Variants in TAFA5 observed in about 807,000 individuals in gnomAD.
TAFA5 encodes the protein TAFA chemokine like family member 5, also known as chemokine-like protein TAFA-5.
TAFA5 carries 6 observed loss-of-function variants against 15.3 expected under a neutral mutation model. The observed-to-expected ratio is 0.39, with a 90% CI of 0.21 to 0.77. The LOEUF (loss-of-function observed/expected upper bound fraction) is 0.77, where lower values mean the gene tolerates loss of function less well. Among genes scored for constraint, TAFA5 ranks in the 30% least tolerant of loss-of-function variants. The pLI, the probability that TAFA5 is intolerant of heterozygous loss-of-function variation, is 0.41. For missense variants in TAFA5, 161 were observed against 193.1 expected, an observed-to-expected ratio of 0.83 and a Z score of 0.98; for synonymous variants, 103 against 80.7, an observed-to-expected ratio of 1.28 and a Z score of -1.48.
intron 3 of TAFA5, among the ~76,000 whole-genome samples, chr22:48,721,418 G>T (rs1034938403): frequency 1.6e-4 from 24 of 152,152 alleles, no homozygotes; most frequent in Admixed American, 2.6e-4. Context: ...GTGATCTCAG[G>T]TCCTCACCAG....
chr22:48,681,406 G>C lies in TAFA5; in HGVS notation c.263-26311G>C, dbSNP rs140830901. 2.9e-3 allele frequency among the ~76,000 whole-genome samples: 439 copies of C among 151,934 alleles called. 14 individuals are homozygous for C. The East Asian group carries it at 0.064, about 22-fold the overall frequency. On this transcript the variant is annotated intron_variant, in intron 2 of 3. Transcript: ENST00000402357. ...ACCTGTAATCCTAGCACTTTGGGAGGCTGAGGCGGGTGGATTGCCTGAGCT... is the reference window on the plus strand; with the variant it reads ...ACCTGTAATCCTAGCACTTTGGGAGCCTGAGGCGGGTGGATTGCCTGAGCT...
chr22:48,522,577 C>A (rs1275110459), intron 1 of TAFA5, among the ~76,000 whole-genome samples: 1 of 152,118 alleles, frequency 6.6e-6, no homozygotes, highest in Non-Finnish European at 1.5e-5. Flanking sequence ...AGGTTAGGCC[C>A]CCAACCTCGA....
rs922253920 is a variant in TAFA5, at chr22:48,617,054, G to T, written c.113-29543G>T. ...TCGGGGGATGCCCTGTGCAGACCCA[G>T]CGTGTGGTTGGCTGAACAATGCACT... On this transcript the variant is annotated intron_variant, in intron 1 of 3. Transcript: ENST00000402357. 6.6e-5 allele frequency among the ~76,000 whole-genome samples: 10 copies of T among 152,334 alleles called. No homozygotes were observed. In the South Asian group the frequency reaches 1.7e-3, roughly 25 times the overall value.
intron 1 of TAFA5, among the ~76,000 whole-genome samples, chr22:48,644,957 G>A (rs1001032789): frequency 1.3e-5 from 2 of 152,238 alleles, no homozygotes; most frequent in Non-Finnish European, 2.9e-5. Context: ...CCCTGAGTCC[G>A]TGCATCTCTG....
chr22:48,594,127 G>T (rs1924674417), intron 1 of TAFA5, among the ~76,000 whole-genome samples: 1 of 152,188 alleles, frequency 6.6e-6, no homozygotes, highest in Non-Finnish European at 1.5e-5. Flanking sequence ...GTGGCCCTGT[G>T]TTTGCACTCT....
At chr22:48,728,855 C>CTTCTTTACA (rs1929781333) in intron 3 of TAFA5, among the ~76,000 whole-genome samples, 1 of 152,128 alleles carries the variant, frequency 6.6e-6, no homozygotes, top group South Asian at 2.1e-4. Flanking sequence ...TGTGGTTTTA[C>CTTCTTTACA]TTCTTTACAT....
chr22:48,526,310 C>T (rs5768701), intron 1 of TAFA5, among the ~76,000 whole-genome samples: 61,153 of 152,120 alleles, frequency 0.4, 12,395 homozygotes, highest in Middle Eastern at 0.48. Flanking sequence ...GGCCAGGAGC[C>T]GAGGGAGCTT....
chr22:48,597,330 A>T (rs1302148725), intron 1 of TAFA5, among the ~76,000 whole-genome samples: 1 of 147,832 alleles, frequency 6.8e-6, no homozygotes. Context: ...TCATATGCAG[A>T]GTGTCCTGGG....
At chr22:48,584,396 C>G (rs987778578) in intron 1 of TAFA5, among the ~76,000 whole-genome samples, 1 of 150,222 alleles carries the variant, frequency 6.7e-6, no homozygotes, top group Non-Finnish European at 1.5e-5. Flanking sequence ...CAGTACACAC[C>G]ACACACATAG....
chr22:48,684,377 G>T (rs1239130538), intron 2 of TAFA5, among the ~76,000 whole-genome samples: 1 of 152,068 alleles, frequency 6.6e-6, no homozygotes, highest in Non-Finnish European at 1.5e-5. Context: ...AGCGTGATTG[G>T]CCTTCCCAGG....
intron 1 of TAFA5, among the ~76,000 whole-genome samples, chr22:48,525,615 G>T (rs2147109656): frequency 6.6e-6 from 1 of 152,302 alleles, no homozygotes; most frequent in East Asian, 1.9e-4. Context: ...AATTCCCTGG[G>T]GGCTTGTGGA....
At chr22:48,651,839 G>A (rs1239605194) in intron 2 of TAFA5, among the ~76,000 whole-genome samples, 1 of 152,170 alleles carries the variant, frequency 6.6e-6, no homozygotes, top group Non-Finnish European at 1.5e-5. Context: ...GGTGGAGGGT[G>A]CCCTGGCCAC....
intron 3 of TAFA5, among the ~76,000 whole-genome samples, chr22:48,722,199 C>T (rs1287571183): frequency 6.6e-6 from 1 of 152,220 alleles, no homozygotes; most frequent in Non-Finnish European, 1.5e-5. Context: ...TCTCCAGCAT[C>T]TGTTGTTTCC....
At chr22:48,629,513 G>C (rs6010596) in intron 1 of TAFA5, among the ~76,000 whole-genome samples, 63,187 of 152,086 alleles carry the variant, frequency 0.42, 14,075 homozygotes, top group African/African-American at 0.56. Flanking sequence ...TGTGTCCCCT[G>C]TGCCTAGAAA....
At chr22:48,631,027 G>T (rs1415996032) in intron 1 of TAFA5, among the ~76,000 whole-genome samples, 1 of 152,198 alleles carries the variant, frequency 6.6e-6, no homozygotes, top group Non-Finnish European at 1.5e-5. Context: ...GCAGCGTGGA[G>T]TCCCTGCAGG....
intron 1 of TAFA5, among the ~76,000 whole-genome samples, chr22:48,514,107 G>A (rs1011420866): frequency 6.6e-6 from 1 of 152,222 alleles, no homozygotes; most frequent in African/African-American, 2.4e-5. Flanking sequence ...AGGAGGTCAA[G>A]GCTAGTGTCA....
chr22:48,738,765 A>G (rs948940069), intron 3 of TAFA5, among the ~76,000 whole-genome samples: 7 of 152,192 alleles, frequency 4.6e-5, no homozygotes, highest in Non-Finnish European at 8.8e-5. Flanking sequence ...GTCAGCCCTC[A>G]GGAGCTCCGT....
intron 1 of TAFA5, chr22:48,546,861 G>A (rs758360745): frequency 5.2e-5 from 15 of 289,976 alleles, no homozygotes; most frequent in Admixed American, 1.4e-4. Flanking sequence ...GGACGATTGC[G>A]GATGGCCACA....
intron 1 of TAFA5, among the ~76,000 whole-genome samples, chr22:48,501,175 A>T (rs990257082): frequency 1.3e-5 from 2 of 152,046 alleles, no homozygotes; most frequent in African/African-American, 4.8e-5. Context: ...CCGCGCTGCC[A>T]CAAGACTGGC....
Sources: allele counts gnomAD v4.1 joint callset (sites outside exome capture counted in the v4.1 genomes callset), GRCh38; gene constraint gnomAD v4.1.1; transcripts MANE v1.5; gene names NCBI Gene and HGNC (gene_info 2026-07-23, HGNC 2026-07-21).